The following KLF3 variants were observed in gnomAD, a reference collection of about 807,000 sequenced individuals.
KLF3 encodes Krueppel-like factor 3.
In KLF3, 6 loss-of-function variants were observed where a neutral mutation model predicts 32.7. The observed-to-expected ratio is 0.18, with a 90% confidence interval of 0.10 to 0.36. The LOEUF (loss-of-function observed/expected upper bound fraction) is 0.36. Ranked by LOEUF, KLF3 falls within the 10% of genes least tolerant of loss-of-function variation. The pLI is 1.00. For missense variants in KLF3, 338 were observed against 449.7 expected (o/e 0.75, Z 2.25); for synonymous variants, 145 against 172.8 (o/e 0.84, Z 1.26).
chr4:38,666,074 T>G (rs1722027747), intron 1 of KLF3, among the ~76,000 whole-genome samples: 1 of 152,242 alleles, frequency 6.6e-6, no homozygotes, highest in Non-Finnish European at 1.5e-5. Flanking sequence ...ACTGGTATCT[T>G]CATTTCTGCA....
chr4:38,697,119 A>C lies in KLF3; in HGVS notation c.894A>C (p.Thr298=), dbSNP rs569719212. Residue 298 remains threonine, a synonymous_variant, in exon 6 of 6, where the codon ACA becomes ACC. Coordinates refer to ENST00000261438, the MANE Select transcript of KLF3 (RefSeq NM_016531.6). ...ACAAATGTACATGGGAAGGGTGCAC[A>C]TGGAAGTTTGCTCGGTCTGATGAAC... is the stretch of plus-strand genomic sequence containing the variant. The part of the protein sequence containing the change: ...KPYKCTWEGC[T]WKFARSDELT... 6.2e-7 allele frequency: 1 copy of C among 1,613,810 alleles called. No individual in the cohort carries two copies. Among genetic ancestry groups the C allele is most frequent in the South Asian group, 1.1e-5 (1 of 91,038 alleles).
At chr4:38,693,502 T>G (rs1288353633) in intron 4 of KLF3, among the ~76,000 whole-genome samples, 1 of 152,182 alleles carries the variant, frequency 6.6e-6, no homozygotes, top group African/African-American at 2.4e-5. Flanking sequence ...GACTCCCTTT[T>G]GATTTTTATG....
intron 1 of KLF3, among the ~76,000 whole-genome samples, chr4:38,667,357 T>C (rs1722075608): frequency 6.6e-6 from 1 of 152,198 alleles, no homozygotes; most frequent in African/African-American, 2.4e-5. Flanking sequence ...GGTAGATCAG[T>C]AGCCCAGACC....
rs910832255 is a variant in KLF3, at chr4:38,671,542, A to G, written c.-40+7081A>G. ...CTTCTCCGGGGACCAACCTGTTCAC[A>G]GAAATCACTATCATGTACTTACTGT... On this transcript the variant is annotated intron_variant, in intron 1 of 5. Transcript: ENST00000261438. This position sits in a 1 kb window ranked among gnomAD's most constrained non-coding sequence, Gnocchi z 4.4. Among the ~76,000 whole-genome samples, 1 of 152,230 alleles carries G rather than the reference A, an allele frequency of 6.6e-6. No individual in the cohort carries two copies. Among genetic ancestry groups the G allele is most frequent in the African/African-American group, 2.4e-5 (1 of 41,460 alleles).
rs1040462068 is a variant in KLF3 at position 38,700,520 on chromosome 4, A to G, written c.*3257A>G. The G allele has an allele frequency of 2.0e-5, 3 of 152,244 alleles. No homozygotes were observed. The highest frequency in any genetic ancestry group is 6.5e-5 in the Admixed American group (1 of 15,292). 9.4% of individuals were successfully genotyped at this position (152,244 alleles called of 1,614,324 possible). A position where few individuals can be genotyped will look rare whatever the true frequency, so the allele number is the denominator to read the frequency against. On this transcript the variant is annotated 3_prime_UTR_variant, in exon 6 of 6. Transcript: ENST00000261438. ...CTTGGTCAAGGTTAACAATTGCTAA[A>G]TGATCGCAAATTCACCTAAACAATA...
chr4:38,687,277 C>T (rs1722732416), intron 2 of KLF3, among the ~76,000 whole-genome samples: 1 of 152,104 alleles, frequency 6.6e-6, no homozygotes, highest in Non-Finnish European at 1.5e-5. Flanking sequence ...TTTCAGTTTC[C>T]CTAAAATGCC....
intron 2 of KLF3, among the ~76,000 whole-genome samples, chr4:38,683,630 A>AT (rs936092939): frequency 7.4e-4 from 110 of 148,770 alleles, no homozygotes; most frequent in African/African-American, 1.6e-3. Flanking sequence ...ATGTACATAA[A>AT]TTTTTTTTTT....
rs1305416771 is a variant in KLF3 at position 38,700,319 on chromosome 4, G to A, written c.*3056G>A. The stretch of plus-strand genomic sequence containing the variant: ...GCACTATCAGTATTGCACTAATGTG[G>A]AATTTGAAAGACTATTTTGCTGATA... On this transcript the variant is annotated 3_prime_UTR_variant, in exon 6 of 6. Transcript: ENST00000261438. 6 of 152,126 alleles carry A rather than the reference G, an allele frequency of 3.9e-5. No individual in the cohort carries two copies. The highest frequency in any genetic ancestry group is 8.8e-5 in the Non-Finnish European group (6 of 68,002). The allele number at this position is 152,126 out of a possible 1,614,324, so 9.4% of individuals were successfully genotyped here.
intron 1 of KLF3, among the ~76,000 whole-genome samples, chr4:38,673,333 T>G (rs73232885): frequency 6.6e-6 from 1 of 152,166 alleles, no homozygotes. Flanking sequence ...TGGGTGGGTC[T>G]CCAGTGATAG....
intron 2 of KLF3, among the ~76,000 whole-genome samples, chr4:38,684,668 C>T (rs970533192): frequency 3.3e-5 from 5 of 151,710 alleles, no homozygotes; most frequent in African/African-American, 1.2e-4. Context: ...ATCCTCCTCC[C>T]TCAGCCTCCC....
At chr4:38,683,599 AC>A (rs774795503) in intron 2 of KLF3, among the ~76,000 whole-genome samples, 2 of 151,408 alleles carry the variant, frequency 1.3e-5, no homozygotes, top group Non-Finnish European at 2.9e-5. Context: ...AAAATATGAA[AC>A]TGTGTGTAAA....
At chr4:38,687,961 A>G (rs1328189051) in intron 2 of KLF3, among the ~76,000 whole-genome samples, 1 of 152,198 alleles carries the variant, frequency 6.6e-6, no homozygotes, top group Non-Finnish European at 1.5e-5. Context: ...ATTGTTGGCC[A>G]GTCCTAGGCA....
chr4:38,685,298 G>A lies in KLF3; in HGVS notation c.58-3287G>A, dbSNP rs115576507. Among the ~76,000 whole-genome samples the A allele has an allele frequency of 1.1e-3, 162 of 152,286 alleles. 1 individual carries two copies. The highest frequency in any genetic ancestry group is 3.8e-3 in the African/African-American group (157 of 41,546). On this transcript the variant is annotated intron_variant, in intron 2 of 5. Transcript: ENST00000261438. ...GTCTTCACCCTTTTGTGAGGCAGTT[G>A]GGCTGGAAACAGTTAATTATCTGCC... is the stretch of plus-strand genomic sequence containing the variant.
At chr4:38,695,329 A>G (rs1375390638) in intron 5 of KLF3, among the ~76,000 whole-genome samples, 1 of 152,196 alleles carries the variant, frequency 6.6e-6, no homozygotes, top group Non-Finnish European at 1.5e-5. Context: ...CAAACAATTC[A>G]AATAGAAGAC....
chr4:38,669,281 T>G (rs1560412607), intron 1 of KLF3, among the ~76,000 whole-genome samples: 1 of 152,354 alleles, frequency 6.6e-6, no homozygotes, highest in East Asian at 1.9e-4. Context: ...TGCTAGTATG[T>G]GATATTCTAG....
intron 2 of KLF3, among the ~76,000 whole-genome samples, chr4:38,683,516 T>A (rs1486750332): frequency 6.6e-6 from 1 of 151,968 alleles, no homozygotes; most frequent in Non-Finnish European, 1.5e-5. Context: ...TCTCTGCTAC[T>A]TACATCCACC....
chr4:38,678,273 G>A (rs1398753078), intron 1 of KLF3, among the ~76,000 whole-genome samples: 1 of 152,166 alleles, frequency 6.6e-6, no homozygotes, highest in Non-Finnish European at 1.5e-5. Context: ...ATGGTCCACT[G>A]TGAGGCACTG....
At position 38,671,985 on chromosome 4, in the gene KLF3, T is replaced by C. The variant is rs1722211090; in HGVS notation, c.-40+7524T>C. ...TAAAGTACAGTAGAGACCTCGACAC[T>C]AGACTTGTTTAGAAGACCTCACTGA... On this transcript the variant is annotated intron_variant, in intron 1 of 5. Coordinates refer to ENST00000261438, the MANE Select transcript of KLF3 (RefSeq NM_016531.6). The surrounding 1 kb of genome is among the most constrained non-coding windows in gnomAD (Gnocchi z 4.4). Among the ~76,000 whole-genome samples, 2 of 152,154 alleles carry C rather than the reference T, an allele frequency of 1.3e-5. No homozygotes were observed. Among genetic ancestry groups the C allele is most frequent in the Admixed American group, 1.3e-4 (2 of 15,270 alleles).
Position 38,680,682 on chromosome 4 carries a change from G to A in KLF3, c.57G>A (p.Val19=). The change falls in exon 2 of 6, where the codon GTG becomes GTA. Residue 19 remains valine (V), a splice_region_variant and synonymous_variant. Coordinates refer to ENST00000261438, the MANE Select transcript of KLF3 (RefSeq NM_016531.6). ...VKQEAMDPVS[V]SYPSNYMESM... is the part of the protein sequence containing the mutation. ...AAGAGGCCATGGACCCTGTCTCAGT[G>A]GTAAGTTTTCCAAGATTGAACACCT... The A allele has an allele frequency of 1.2e-6, 2 of 1,611,132 alleles. No individual in the cohort carries two copies. Among genetic ancestry groups the A allele is most frequent in the Non-Finnish European group, 1.7e-6 (2 of 1,177,424 alleles).
Sources: gnomAD v4.1 joint callset for allele counts (sites outside exome capture counted in the v4.1 genomes callset) on GRCh38, gnomAD v4.1.1 for gene constraint, Gnocchi (gnomAD v3.1) non-coding constraint, MANE v1.5 for transcripts, NCBI Gene and HGNC (gene_info 2026-07-23, HGNC 2026-07-21) for gene names.